The following ANKRD30A variants were observed in gnomAD, a reference collection of about 807,000 sequenced individuals.
The protein encoded by ANKRD30A is ankyrin repeat domain 30A, also known as ankyrin repeat domain-containing protein 30A.
In ANKRD30A, 170 loss-of-function variants were observed where a neutral mutation model predicts 166.3. The ratio of observed to expected loss-of-function variants is 1.02; its 90% CI spans 0.90 to 1.16. The LOEUF (loss-of-function observed/expected upper bound fraction) is 1.16, where lower values mean the gene tolerates loss of function less well. Ranked by LOEUF, ANKRD30A falls within the 50% of genes most tolerant of loss-of-function variation. The probability of loss-of-function intolerance (pLI) is 0.00; values close to 1 mark genes in which losing one functional copy is unlikely to be tolerated. For synonymous variants in ANKRD30A, 564 were observed against 508.9 expected, an observed-to-expected ratio of 1.11 and a Z score of -1.46; for missense variants, 1,630 against 1,518.0, an observed-to-expected ratio of 1.07 and a Z score of -1.23.
the ANKRD30A span, among the ~76,000 whole-genome samples, chr10:37,252,892 G>A: frequency 6.6e-6 from 1 of 152,038 alleles, no homozygotes; most frequent in Non-Finnish European, 1.5e-5. Context: ...TTTATTATGT[G>A]TACATCCATA....
At chr10:37,193,863 G>C (rs916724071) in intron 27 of ANKRD30A, among the ~76,000 whole-genome samples, 3 of 151,630 alleles carry the variant, frequency 2.0e-5, no homozygotes, top group Admixed American at 6.6e-5. Flanking sequence ...AAAAGAGCCT[G>C]AATTAGTTCT....
rs367659935 is a variant in ANKRD30A, at chr10:37,197,215, G to A, written c.2615-66G>A. 342 of 1,590,550 alleles carry A rather than the reference G, an allele frequency of 2.2e-4. 2 individuals are homozygous for A. The African/African-American group carries it at 4.1e-3, about 19-fold the overall frequency. On this transcript the variant is annotated intron_variant, in intron 27 of 35. Transcript: ENST00000361713. Reference sequence around the variant, plus strand: ...GAGGAGTCAGTTAGATACTATCACGGCATTCATTTGTGGCTGGCTTGTCAT... The same window carrying A: ...GAGGAGTCAGTTAGATACTATCACGACATTCATTTGTGGCTGGCTTGTCAT...
At chr10:37,248,105 G>T in the ANKRD30A span, 1 of 571,718 alleles carries the variant, frequency 1.7e-6, no homozygotes, top group Non-Finnish European at 3.4e-6. Flanking sequence ...ATGGCTTATT[G>T]TTCTCCCTGC....
chr10:37,152,227 A>T (rs1838004913), intron 12 of ANKRD30A, 106 bp downstream of exon 12: 1 of 938,552 alleles, frequency 1.1e-6, no homozygotes, highest in Non-Finnish European at 1.6e-6. Context: ...TGTCACCCCG[A>T]AATTATTTTT....
At chr10:37,246,986 C>T in the ANKRD30A span, among the ~76,000 whole-genome samples, 143 of 152,188 alleles carry the variant, frequency 9.4e-4, no homozygotes, top group African/African-American at 3.2e-3. Flanking sequence ...TTTGGGAGAC[C>T]GAGGTGGGTG....
At chr10:37,260,225 ACTC>A in the ANKRD30A span, among the ~76,000 whole-genome samples, 1 of 152,012 alleles carries the variant, frequency 6.6e-6, no homozygotes, top group South Asian at 2.1e-4. Context: ...TAAAAAGTAA[ACTC>A]CTACAATTTT....
At chr10:37,200,772 C>A (rs942767165) in intron 30 of ANKRD30A, among the ~76,000 whole-genome samples, 3 of 152,042 alleles carry the variant, frequency 2.0e-5, no homozygotes, top group African/African-American at 7.2e-5. Flanking sequence ...ATGACAGACT[C>A]TAAAAGTTCT....
chr10:37,203,320 G>C lies in ANKRD30A; in HGVS notation c.2869+1995G>C, dbSNP rs563763964. ...GTTGGCTTCATCCCTGGGATGCAAG[G>C]CTGGTTCAAGATATGCAAATCAATA... On this transcript the variant is annotated intron_variant, in intron 31 of 35. Transcript: ENST00000361713. Among the ~76,000 whole-genome samples the C allele has an allele frequency of 3.9e-5, 6 of 152,274 alleles. 1 individual carries two copies. The South Asian group carries it at 1.2e-3, about 32-fold the overall frequency.
chr10:37,258,637 G>A, the ANKRD30A span, among the ~76,000 whole-genome samples: 7 of 147,416 alleles, frequency 4.7e-5, no homozygotes, highest in Admixed American at 3.4e-4. Flanking sequence ...AAAGCTAAAT[G>A]TGAAAGGTTA....
intron 34 of ANKRD30A, among the ~76,000 whole-genome samples, chr10:37,223,171 T>C (rs1044978252): frequency 1.3e-5 from 2 of 151,368 alleles, no homozygotes; most frequent in Admixed American, 6.6e-5. Context: ...GATTTTAGAA[T>C]AGGGATTTTC....
At chr10:37,158,773 A>C (rs1838592211) in intron 15 of ANKRD30A, among the ~76,000 whole-genome samples, 187 bp downstream of exon 15, 2 of 152,210 alleles carry the variant, frequency 1.3e-5, no homozygotes, top group African/African-American at 4.8e-5. Context: ...TTAGAGATTT[A>C]GAAAAAAAAT....
chr10:37,242,470 A>C, the ANKRD30A span, among the ~76,000 whole-genome samples: 1 of 152,202 alleles, frequency 6.6e-6, no homozygotes, highest in Non-Finnish European at 1.5e-5. Flanking sequence ...CTATGTAAAT[A>C]TCTCTTTCTC....
chr10:37,238,636 T>C, the ANKRD30A span, among the ~76,000 whole-genome samples: 1 of 152,188 alleles, frequency 6.6e-6, no homozygotes, highest in African/African-American at 2.4e-5. Flanking sequence ...TCTAAAAATA[T>C]TCATAAACAG....
chr10:37,135,949 CT>C (rs2132518426), intron 5 of ANKRD30A, among the ~76,000 whole-genome samples: 1 of 152,148 alleles, frequency 6.6e-6, no homozygotes, highest in Non-Finnish European at 1.5e-5. Flanking sequence ...TGAAGAAACA[CT>C]TTTTTTAAAA....
Position 37,219,698 on chromosome 10 carries a change from A to G in ANKRD30A, c.3986A>G (p.Lys1329Arg), listed in dbSNP as rs1435207726. Residue 1329 changes from lysine (K) to arginine (R), a missense_variant, in exon 34 of 36, where the codon AAA becomes AGA. Lys to Arg is a conservative substitution (Grantham distance 26, BLOSUM62 2). Coordinates refer to ENST00000361713, the MANE Select transcript of ANKRD30A (RefSeq NM_052997.3). ...LDQKLFQLQS[K>R]NMWLQQQLVH... The stretch of plus-strand genomic sequence containing the variant: ...CAGAAATTATTTCAACTACAAAGCA[A>G]AAATATGTGGCTTCAACAGCAATTA... 6.2e-7 allele frequency: 1 copy of G among 1,609,486 alleles called. No individual in the cohort carries two copies. Among genetic ancestry groups the G allele is most frequent in the African/African-American group, 1.3e-5 (1 of 74,588 alleles).
In ANKRD30A at chr10:37,129,420, T is replaced by A. The variant is rs192029380; in HGVS notation, c.222-473T>A. On this transcript the variant is annotated intron_variant, in intron 1 of 35. Coordinates refer to ENST00000361713, the MANE Select transcript of ANKRD30A (RefSeq NM_052997.3). ...CACAATGTAGTCATAATTGTACCAT[T>A]TTACTTAAAATGCTGTCTTTGTTAA... Among the ~76,000 whole-genome samples, 581 of 152,328 alleles carry A rather than the reference T, an allele frequency of 3.8e-3. 4 individuals are homozygous for A. The highest frequency in any genetic ancestry group is 0.013 in the African/African-American group (551 of 41,594).
At chr10:37,253,320 A>C in the ANKRD30A span, among the ~76,000 whole-genome samples, 1 of 152,222 alleles carries the variant, frequency 6.6e-6, no homozygotes, top group Non-Finnish European at 1.5e-5. Context: ...TGAGGAACCA[A>C]ATTTTTAATA....
the ANKRD30A span, among the ~76,000 whole-genome samples, chr10:37,256,442 T>G: frequency 6.6e-6 from 1 of 152,158 alleles, no homozygotes; most frequent in South Asian, 2.1e-4. Context: ...TTCGTAGCAC[T>G]TATTACACCC....
intron 21 of ANKRD30A, among the ~76,000 whole-genome samples, chr10:37,171,479 G>A (rs1344408901): frequency 6.6e-6 from 1 of 151,160 alleles, no homozygotes; most frequent in East Asian, 1.9e-4. Flanking sequence ...TCATGAGTCT[G>A]AAAAATTTTA....
Sources: allele counts gnomAD v4.1 joint callset (sites outside exome capture counted in the v4.1 genomes callset), GRCh38; gene constraint gnomAD v4.1.1; transcripts MANE v1.5; gene names NCBI Gene and HGNC (gene_info 2026-07-23, HGNC 2026-07-21).